CSGALNACT2: variants seen among roughly 807,000 people sequenced by gnomAD.
CSGALNACT2 encodes the protein beta 4 GalNAcT-2.
CSGALNACT2 carries 35 observed loss-of-function variants against 55.3 expected under a neutral mutation model. The ratio of observed to expected loss-of-function variants is 0.63; its 90% CI spans 0.48 to 0.84. The LOEUF (loss-of-function observed/expected upper bound fraction) is 0.84, where lower values mean the gene tolerates loss of function less well. CSGALNACT2 is among the 40% of genes least tolerant of loss of function. CSGALNACT2 has a pLI of 0.00. For synonymous variants in CSGALNACT2, 196 were observed against 224.9 expected, an observed-to-expected ratio of 0.87 and a Z score of 1.15; for missense variants, 544 against 657.5, an observed-to-expected ratio of 0.83 and a Z score of 1.89.
chr10:43,178,773 G>A (rs1839533065), intron 7 of CSGALNACT2, among the ~76,000 whole-genome samples: 5 of 151,894 alleles, frequency 3.3e-5, no homozygotes, highest in Admixed American at 3.3e-4. Flanking sequence ...TGGAACTCAT[G>A]CATATGGAGG....
chr10:43,143,184 G>GA (rs755717075), intron 1 of CSGALNACT2, among the ~76,000 whole-genome samples: 61 of 152,204 alleles, frequency 4.0e-4, no homozygotes, highest in Non-Finnish European at 6.8e-4. Context: ...GACAAACTGA[G>GA]AAAAAATATT....
intron 6 of CSGALNACT2, among the ~76,000 whole-genome samples, chr10:43,169,088 A>C (rs1164422157): frequency 1.3e-5 from 2 of 152,186 alleles, no homozygotes; most frequent in Admixed American, 6.5e-5. Context: ...AAGGCAGTGC[A>C]TGTGGTCCCT....
chr10:43,162,889 A>G (rs1438345053), intron 4 of CSGALNACT2: 8 of 985,186 alleles, frequency 8.1e-6, no homozygotes, highest in Non-Finnish European at 9.6e-6. Flanking sequence ...GCCCTAGCAG[A>G]AAAGTCCTGC....
intron 7 of CSGALNACT2, among the ~76,000 whole-genome samples, chr10:43,177,711 T>TA (rs762766582): frequency 3.9e-5 from 6 of 152,274 alleles, no homozygotes; most frequent in Non-Finnish European, 5.9e-5. Flanking sequence ...CTATTATAAA[T>TA]ACTGCTGCTG....
intron 6 of CSGALNACT2, among the ~76,000 whole-genome samples, chr10:43,168,174 C>T (rs759672285): frequency 2.0e-5 from 3 of 152,068 alleles, no homozygotes; most frequent in Non-Finnish European, 4.4e-5. Context: ...GCAAGTGGGC[C>T]GGGCATGGTG....
intron 3 of CSGALNACT2, among the ~76,000 whole-genome samples, chr10:43,159,841 T>C (rs570610526): frequency 6.6e-6 from 1 of 152,248 alleles, no homozygotes; most frequent in Non-Finnish European, 1.5e-5. Context: ...ATGTTTTAGA[T>C]ACTTTGATAT....
chr10:43,161,824 A>G (rs891622213), intron 4 of CSGALNACT2, among the ~76,000 whole-genome samples: 11 of 152,058 alleles, frequency 7.2e-5, no homozygotes, highest in African/African-American at 2.7e-4. Flanking sequence ...CCTCTTCTCT[A>G]TCTCTTCCTT....
At position 43,155,143 on chromosome 10, in the gene CSGALNACT2, A is replaced by G; in HGVS notation, c.-7A>G. 6.2e-7 allele frequency: 1 copy of G among 1,606,332 alleles called. No individual in the cohort carries two copies. The highest frequency in any genetic ancestry group is 8.5e-7 in the Non-Finnish European group (1 of 1,174,056). On this transcript the variant is annotated 5_prime_UTR_variant, in exon 2 of 8. Transcript: ENST00000374466. ...TTATTTTGTTAGGCAAATACACATTAATAAGAATGCCTAGAAGAGGACTGA... is the reference window on the plus strand; with the variant it reads ...TTATTTTGTTAGGCAAATACACATTGATAAGAATGCCTAGAAGAGGACTGA...
At chr10:43,176,288 GTT>G (rs1226958005) in intron 7 of CSGALNACT2, among the ~76,000 whole-genome samples, 3 of 152,250 alleles carry the variant, frequency 2.0e-5, no homozygotes, top group Admixed American at 2.0e-4. Flanking sequence ...AAAAATATCT[GTT>G]TAACTTGTTA....
intron 1 of CSGALNACT2, among the ~76,000 whole-genome samples, chr10:43,152,994 A>AT (rs977822954): frequency 6.6e-5 from 10 of 151,896 alleles, no homozygotes; most frequent in Admixed American, 2.0e-4. Context: ...AAAGCCAACT[A>AT]TTTTTTTTCT....
At chr10:43,143,134 T>C (rs1588888863) in intron 1 of CSGALNACT2, among the ~76,000 whole-genome samples, 1 of 152,340 alleles carries the variant, frequency 6.6e-6, no homozygotes, top group Non-Finnish European at 1.5e-5. Flanking sequence ...TGCAGATCTT[T>C]GAATTCAGGC....
At chr10:43,159,865 T>G (rs1839106974) in intron 3 of CSGALNACT2, among the ~76,000 whole-genome samples, 1 of 152,242 alleles carries the variant, frequency 6.6e-6, no homozygotes, top group Non-Finnish European at 1.5e-5. Flanking sequence ...GGTTTAATGC[T>G]TTGTGATCCT....
At chr10:43,174,201 G>A (rs1255088523) in intron 6 of CSGALNACT2, among the ~76,000 whole-genome samples, 2 of 149,872 alleles carry the variant, frequency 1.3e-5, no homozygotes, top group Non-Finnish European at 3.0e-5. Context: ...CTCCCCCTCA[G>A]CTCAAAAAAA....
intron 1 of CSGALNACT2, among the ~76,000 whole-genome samples, chr10:43,148,149 T>G (rs577742487): frequency 6.6e-6 from 1 of 152,346 alleles, no homozygotes; most frequent in African/African-American, 2.4e-5. Flanking sequence ...TTGAAAAAAC[T>G]ATTCTTTCTC....
chr10:43,157,946 T>G (rs536047268), intron 2 of CSGALNACT2, among the ~76,000 whole-genome samples: 1 of 151,348 alleles, frequency 6.6e-6, no homozygotes, highest in South Asian at 2.1e-4. Flanking sequence ...GAAGAATTGC[T>G]TGAACCCGGG....
chr10:43,175,937 T>C lies in CSGALNACT2; in HGVS notation c.1255-14T>C. On this transcript the variant is annotated splice_polypyrimidine_tract_variant and intron_variant, in intron 6 of 7. Coordinates refer to ENST00000374466, the MANE Select transcript of CSGALNACT2 (RefSeq NM_018590.5). Reference sequence around the variant, plus strand: ...GGAATTAAATTGTTTTCTGTTTTTTTTTTTTTAACTAAGGTTCACAAAAAG... The same window carrying C: ...GGAATTAAATTGTTTTCTGTTTTTTCTTTTTTAACTAAGGTTCACAAAAAG... 6.3e-7 allele frequency: 1 copy of C among 1,589,752 alleles called. No individual in the cohort carries two copies.
In CSGALNACT2 at chr10:43,155,233, T is replaced by TA; in HGVS notation, c.85dup (p.Met29AsnfsTer11). The TA allele has an allele frequency of 6.2e-7, 1 of 1,614,140 alleles. No homozygotes were observed. Among genetic ancestry groups the TA allele is most frequent in the Non-Finnish European group, 8.5e-7 (1 of 1,180,016 alleles). Reference sequence around the variant, plus strand: ...CTTTGCTCTGCAGTTTGGTATTATTTATGTACCTCCTGGAATGTGCCCCCC... The same window carrying TA: ...CTTTGCTCTGCAGTTTGGTATTATTTAATGTACCTCCTGGAATGTGCCCCCC... On this transcript the variant is annotated frameshift_variant, in exon 2 of 8. Transcript: ENST00000374466. LOFTEE classifies it high-confidence loss of function.
In CSGALNACT2 at chr10:43,157,706, CCTT is replaced by C. The variant is rs1460301309; in HGVS notation, c.662-1003_662-1001del. 5.9e-5 allele frequency among the ~76,000 whole-genome samples: 9 copies of C among 152,182 alleles called. No homozygotes were observed. In the East Asian group the frequency reaches 1.4e-3, roughly 23 times the overall value. ...GTGACTCACACATCTGTAGGTCTAA[CCTT>C]CTTCTCTCTCCTGAGCGCCATACTT... On this transcript the variant is annotated intron_variant, in intron 2 of 7. Coordinates refer to ENST00000374466, the MANE Select transcript of CSGALNACT2 (RefSeq NM_018590.5).
chr10:43,173,004 G>T (rs1400966341), intron 6 of CSGALNACT2, among the ~76,000 whole-genome samples: 3 of 152,214 alleles, frequency 2.0e-5, no homozygotes, highest in Non-Finnish European at 2.9e-5. Flanking sequence ...GGCATGTAGA[G>T]CTTGTTCAGC....
Sources: gnomAD v4.1 joint callset for allele counts (sites outside exome capture counted in the v4.1 genomes callset) on GRCh38, gnomAD v4.1.1 for gene constraint, MANE v1.5 for transcripts, NCBI Gene and HGNC (gene_info 2026-07-23, HGNC 2026-07-21) for gene names.